TBCD: variants seen among roughly 807,000 people sequenced by gnomAD.
TBCD encodes tubulin folding cofactor D.
TBCD carries 105 observed loss-of-function variants against 169.3 expected under a neutral mutation model. The ratio of observed to expected loss-of-function variants is 0.62; its 90% CI spans 0.53 to 0.73. The LOEUF is 0.73. Among genes scored for constraint, TBCD ranks in the 30% least tolerant of loss-of-function variants. The pLI is 0.00. For synonymous variants in TBCD, 700 were observed against 643.9 expected (o/e 1.09, Z -1.32); for missense variants, 1,444 against 1,600.1 (o/e 0.90, Z 1.66).
chr17:82,773,005 T>C (rs1282663967), intron 6 of TBCD, among the ~76,000 whole-genome samples: 1 of 152,148 alleles, frequency 6.6e-6, no homozygotes, highest in Non-Finnish European at 1.5e-5. Context: ...ATACCAAGGA[T>C]GTGTGTATAG....
intron 13 of TBCD, chr17:82,859,761 C>T (rs989844002): frequency 3.0e-6 from 3 of 985,338 alleles, no homozygotes; most frequent in Non-Finnish European, 3.6e-6. Flanking sequence ...CCCAGACTCA[C>T]CCTGAATAAA....
intron 22 of TBCD, among the ~76,000 whole-genome samples, chr17:82,910,616 G>A (rs909178885): frequency 1.3e-5 from 2 of 151,894 alleles, no homozygotes; most frequent in Admixed American, 6.6e-5. Context: ...GCCCAGGCTG[G>A]AGTGCAGTGG....
In TBCD at chr17:82,806,118, G is replaced by C. The variant is rs1311179664; in HGVS notation, c.1087+107G>C. 28 of 1,463,882 alleles carry C rather than the reference G, an allele frequency of 1.9e-5. No individual in the cohort carries two copies. The highest frequency in any genetic ancestry group is 2.5e-5 in the Non-Finnish European group (27 of 1,085,716). The allele number at this position is 1,463,882 out of a possible 1,614,324, so 90.7% of individuals were successfully genotyped here. On this transcript the variant is annotated intron_variant, in intron 10 of 38. Coordinates refer to ENST00000355528, the MANE Select transcript of TBCD (RefSeq NM_005993.5). The surrounding 1 kb of genome is among the most constrained non-coding windows in gnomAD (Gnocchi z 5.1). ...TTCCTTGCTGGTGCCGGCACTGTCT[G>C]GCCACCCGTCCCCTTCGCTGAGTGC...
At chr17:82,783,246 G>A (rs1396256538) in intron 7 of TBCD, among the ~76,000 whole-genome samples, 1 of 152,192 alleles carries the variant, frequency 6.6e-6, no homozygotes, top group Non-Finnish European at 1.5e-5. Flanking sequence ...GGTTTCAGAC[G>A]TGTGAGAGAA....
chr17:82,875,425 G>C (rs2057892698), intron 14 of TBCD, among the ~76,000 whole-genome samples: 1 of 152,208 alleles, frequency 6.6e-6, no homozygotes, highest in South Asian at 2.1e-4. Flanking sequence ...GGAAAAGAAA[G>C]CCGAGCCCTA....
intron 6 of TBCD, among the ~76,000 whole-genome samples, chr17:82,777,309 C>T (rs2048659839): frequency 6.6e-6 from 1 of 152,150 alleles, no homozygotes; most frequent in Admixed American, 6.6e-5. Context: ...GGGACCAGCA[C>T]CACAAGGTCG....
rs2053865667 is a variant in TBCD, at chr17:82,835,227, A to G, written c.1318+20293A>G. On this transcript the variant is annotated intron_variant, in intron 13 of 38. Transcript: ENST00000355528. This position sits in a 1 kb window ranked among gnomAD's most constrained non-coding sequence, Gnocchi z 4.5. ...AAAGCCGCCCCTTGAAAATAGAGCA[A>G]CGTGTGTGGGAGCCTAGGAGGCAGC... 2.6e-5 allele frequency among the ~76,000 whole-genome samples: 4 copies of G among 152,164 alleles called. No homozygotes were observed. The highest frequency in any genetic ancestry group is 1.3e-4 in the Admixed American group (2 of 15,280).
intron 13 of TBCD, among the ~76,000 whole-genome samples, chr17:82,841,980 C>T (rs562761675): frequency 7.1e-4 from 108 of 152,344 alleles, no homozygotes; most frequent in African/African-American, 2.6e-3. Context: ...GAGAGCAAGG[C>T]GGAAGGTTCC....
chr17:82,861,566 C>T (rs1274498793), intron 13 of TBCD, among the ~76,000 whole-genome samples: 1 of 152,226 alleles, frequency 6.6e-6, no homozygotes, highest in Non-Finnish European at 1.5e-5. Flanking sequence ...CGCGCACTGG[C>T]CATGTGTCCG....
chr17:82,832,466 T>A lies in TBCD; in HGVS notation c.1318+17532T>A. 1 of 1,605,770 alleles carries A rather than the reference T, an allele frequency of 6.2e-7. No homozygotes were observed. The highest frequency in any genetic ancestry group is 8.5e-7 in the Non-Finnish European group (1 of 1,179,014). The stretch of plus-strand genomic sequence containing the variant: ...TTGAGGAGACTCATTTTCCTCCTTA[T>A]GCCTTGGACTCTGGCTGTCCAGGTG... On this transcript the variant is annotated intron_variant, in intron 13 of 38. Transcript: ENST00000355528. This position sits in a 1 kb window ranked among gnomAD's most constrained non-coding sequence, Gnocchi z 4.9.
In TBCD at chr17:82,911,639, A is replaced by G. The variant is rs191791542; in HGVS notation, c.2007-119A>G. 2.5e-3 allele frequency: 2,553 copies of G among 1,007,298 alleles called. 8 individuals are homozygous for G. Among genetic ancestry groups the G allele is most frequent in the Non-Finnish European group, 2.8e-3 (1,810 of 655,484 alleles). The allele number at this position is 1,007,298 out of a possible 1,614,324, so 62.4% of individuals were successfully genotyped here. A position where few individuals can be genotyped will look rare whatever the true frequency, so the allele number is the denominator to read the frequency against. On this transcript the variant is annotated intron_variant, in intron 22 of 38. Transcript: ENST00000355528. ...AAAGGTTGCTCATGCTCAGTAACAC[A>G]TTCAACTAGTTCTCATTTTAATGCT... is the stretch of plus-strand genomic sequence containing the variant.
At chr17:82,758,384 G>GGAAAAAAAA (rs1555672563) in intron 2 of TBCD, among the ~76,000 whole-genome samples, 1 of 25,018 alleles carries the variant, frequency 4.0e-5, no homozygotes, top group Non-Finnish European at 8.6e-5. Flanking sequence ...AAACGTCTCG[G>GGAAAAAAAA]AAAAAAAAAA....
chr17:82,940,800 A>C (rs2063141874), intron 37 of TBCD, among the ~76,000 whole-genome samples: 1 of 152,104 alleles, frequency 6.6e-6, no homozygotes, highest in African/African-American at 2.4e-5. Context: ...AGATTCTAAA[A>C]TAATTGGCTT....
At chr17:82,867,477 C>T (rs1376840125) in intron 13 of TBCD, among the ~76,000 whole-genome samples, 6 of 152,202 alleles carry the variant, frequency 3.9e-5, no homozygotes, top group East Asian at 3.9e-4. Context: ...ATTTGGGCAG[C>T]GCTTTCCTCT....
chr17:82,864,616 T>C lies in TBCD; in HGVS notation c.1319-5608T>C, dbSNP rs1326858865. ...ACAGTGGGTGGTGGCAGGTGGGATC[T>C]TGGTTCACAGGCACAGGTGGGGAGA... On this transcript the variant is annotated intron_variant, in intron 13 of 38. Coordinates refer to ENST00000355528, the MANE Select transcript of TBCD (RefSeq NM_005993.5). The surrounding 1 kb of genome is among the most constrained non-coding windows in gnomAD (Gnocchi z 6.3). Among the ~76,000 whole-genome samples the C allele has an allele frequency of 6.6e-6, 1 of 152,170 alleles. No individual in the cohort carries two copies. The highest frequency in any genetic ancestry group is 2.4e-5 in the African/African-American group (1 of 41,440).
At chr17:82,762,605 C>T (rs745974331) in intron 2 of TBCD, among the ~76,000 whole-genome samples, 22 of 151,852 alleles carry the variant, frequency 1.4e-4, no homozygotes, top group African/African-American at 2.4e-4. Flanking sequence ...AAAAATTAGC[C>T]GGGTGTGGTG....
intron 23 of TBCD, among the ~76,000 whole-genome samples, chr17:82,918,963 T>C (rs747438718): frequency 2.0e-5 from 3 of 152,212 alleles, no homozygotes; most frequent in African/African-American, 4.8e-5. Context: ...TAAAGTCGTA[T>C]CTAAAACTAA....
chr17:82,913,664 G>T (rs926113731), intron 23 of TBCD: 1 of 152,422 alleles, frequency 6.6e-6, no homozygotes, highest in Non-Finnish European at 1.5e-5. Flanking sequence ...CTCCTGCTCC[G>T]TGAAGCGGGG....
chr17:82,828,877 AAC>A (rs1304347188), intron 13 of TBCD, among the ~76,000 whole-genome samples: 9 of 136,174 alleles, frequency 6.6e-5, no homozygotes, highest in Admixed American at 5.1e-4. Flanking sequence ...CATGCACACT[AAC>A]ACAAATGTGT....
Sources: allele counts gnomAD v4.1 joint callset (sites outside exome capture counted in the v4.1 genomes callset), GRCh38; gene constraint gnomAD v4.1.1; non-coding constraint Gnocchi (gnomAD v3.1); transcripts MANE v1.5; gene names NCBI Gene and HGNC (gene_info 2026-07-23, HGNC 2026-07-21).